Variants in DACH2 observed in about 807,000 individuals in gnomAD.
DACH2 encodes dachshund homolog 2.
DACH2 carries 17 observed loss-of-function variants against 35.8 expected under a neutral mutation model. That is an observed-to-expected ratio of 0.48 (90% CI 0.33 to 0.71). DACH2 has a LOEUF of 0.71. Ranked by LOEUF, DACH2 falls within the 30% of genes least tolerant of loss-of-function variation. The probability of loss-of-function intolerance (pLI) is 0.02; values close to 1 mark genes in which losing one functional copy is unlikely to be tolerated. For missense variants in DACH2, 469 were observed against 472.7 expected (o/e 0.99, Z 0.07); for synonymous variants, 195 against 177.3 (o/e 1.10, Z -0.79).
chrX:86,212,370 G>T (rs2032464450), intron 1 of DACH2, among the ~76,000 whole-genome samples: 1 of 111,274 alleles, frequency 9.0e-6, no homozygotes, highest in Non-Finnish European at 1.9e-5. Flanking sequence ...TATTCTGAAT[G>T]TTTTGAACTG....
intron 3 of DACH2, among the ~76,000 whole-genome samples, chrX:86,601,911 T>G (rs2039794435): frequency 1.8e-5 from 2 of 112,057 alleles, no homozygotes; most frequent in Non-Finnish European, 3.8e-5. Flanking sequence ...AATTCACTAT[T>G]TAGAGTATAC....
At chrX:86,580,572 C>T (rs540634761) in intron 3 of DACH2, among the ~76,000 whole-genome samples, 2 of 111,777 alleles carry the variant, frequency 1.8e-5, no homozygotes, top group East Asian at 2.8e-4. Flanking sequence ...GAAAAACTCA[C>T]ATCAAGAATT....
intron 2 of DACH2, among the ~76,000 whole-genome samples, chrX:86,434,489 T>C (rs1413533154): frequency 8.9e-6 from 1 of 112,244 alleles, no homozygotes; most frequent in Non-Finnish European, 1.9e-5. Context: ...TCTCTTATCA[T>C]GGTATATTCA....
At chrX:86,610,422 C>T (rs201124038) in intron 3 of DACH2, among the ~76,000 whole-genome samples, 83 of 45,850 alleles carry the variant, frequency 1.8e-3, no homozygotes, top group African/African-American at 6.7e-3. Context: ...TCTTTCTTTT[C>T]TTTCTTTCTT....
intron 5 of DACH2, among the ~76,000 whole-genome samples, chrX:86,698,526 T>TTTTTTTTTTTTTG (rs2041098256): frequency 1.8e-5 from 1 of 54,702 alleles, no homozygotes; most frequent in Non-Finnish European, 3.4e-5. Context: ...TTTGTGTTTT[T>TTTTTTTTTTTTTG]TTTTTTTTTT....
chrX:86,675,504 G>T (rs746921089), intron 4 of DACH2, among the ~76,000 whole-genome samples: 1 of 111,099 alleles, frequency 9.0e-6, no homozygotes, highest in African/African-American at 3.3e-5. Flanking sequence ...GGGCAACATG[G>T]CAAGAGATCG....
intron 3 of DACH2, among the ~76,000 whole-genome samples, chrX:86,633,236 C>T (rs747447842): frequency 1.8e-5 from 2 of 109,412 alleles, no homozygotes; most frequent in Non-Finnish European, 3.8e-5. Context: ...GAGAGAAGAT[C>T]CAAATAAACA....
intron 2 of DACH2, among the ~76,000 whole-genome samples, chrX:86,392,929 T>C (rs1569375160): frequency 9.0e-6 from 1 of 110,956 alleles, no homozygotes; most frequent in Non-Finnish European, 1.9e-5. Flanking sequence ...TTGGAGGCCT[T>C]TTTGGCTGTC....
At chrX:86,531,026 A>T (rs1453024658) in intron 3 of DACH2, among the ~76,000 whole-genome samples, 1 of 111,740 alleles carries the variant, frequency 8.9e-6, no homozygotes, top group African/African-American at 3.3e-5. Flanking sequence ...CTTAAAAGAG[A>T]TTATTTAGGG....
chrX:86,160,358 A>G, intron 1 of DACH2: 2 of 822,911 alleles, frequency 2.4e-6, no homozygotes, highest in Admixed American at 2.3e-5. Context: ...AAAGTGACCC[A>G]GAGGAGGATA....
At chrX:86,208,593 A>G (rs184286212) in intron 1 of DACH2, among the ~76,000 whole-genome samples, 9 of 111,723 alleles carry the variant, frequency 8.1e-5, no homozygotes, top group Admixed American at 7.6e-4. Flanking sequence ...TTAGCACAGT[A>G]TGTATAAATA....
chrX:86,832,184 A>AGAT lies in DACH2; in HGVS notation c.*31_*33dup. 8.9e-7 allele frequency: 1 copy of AGAT among 1,117,635 alleles called. No individual in the cohort carries two copies. The highest frequency in any genetic ancestry group is 1.2e-6 in the Non-Finnish European group (1 of 814,107). The allele number at this position is 1,117,635 out of a possible 1,213,427, so 92.1% of individuals were successfully genotyped here. A position where few individuals can be genotyped will look rare whatever the true frequency, so the allele number is the denominator to read the frequency against. On this transcript the variant is annotated 3_prime_UTR_variant, in exon 12 of 12. Transcript: ENST00000373125. ...GTCCTCGCTGGCTTTACATAAATGA[A>AGAT]GATGCTTGTGATTCCAGTTTATCTC... is the stretch of plus-strand genomic sequence containing the variant.
chrX:86,520,108 T>A (rs1451453582), intron 3 of DACH2, among the ~76,000 whole-genome samples: 6 of 111,836 alleles, frequency 5.4e-5, no homozygotes, highest in African/African-American at 1.9e-4. Flanking sequence ...GTTGTGTCTT[T>A]GTTCTCTTTA....
chrX:86,334,047 G>A (rs1488863217), intron 1 of DACH2, among the ~76,000 whole-genome samples: 1 of 111,537 alleles, frequency 9.0e-6, no homozygotes, highest in Non-Finnish European at 1.9e-5. Flanking sequence ...GAGAATGATG[G>A]TTTCGAGTTT....
At chrX:86,450,790 G>A (rs1490915490) in intron 2 of DACH2, among the ~76,000 whole-genome samples, 2 of 109,421 alleles carry the variant, frequency 1.8e-5, no homozygotes, top group African/African-American at 3.3e-5. Flanking sequence ...GTATCTAATT[G>A]TGGTTTTGAT....
chrX:86,673,666 G>A (rs2040795573), intron 4 of DACH2, among the ~76,000 whole-genome samples: 1 of 111,281 alleles, frequency 9.0e-6, no homozygotes, highest in East Asian at 2.9e-4. Context: ...TTTGTAGTGT[G>A]AGGACATGAG....
intron 2 of DACH2, among the ~76,000 whole-genome samples, chrX:86,396,643 G>A (rs776119122): frequency 9.1e-6 from 1 of 110,208 alleles, no homozygotes; most frequent in Admixed American, 9.7e-5. Flanking sequence ...TATTAAATAG[G>A]GGATCCTTTC....
At chrX:86,782,684 G>A (rs1307850416) in intron 7 of DACH2, among the ~76,000 whole-genome samples, 4 of 111,565 alleles carry the variant, frequency 3.6e-5, no homozygotes, top group Non-Finnish European at 5.7e-5. Context: ...AAATGGTGTT[G>A]GGAAAACTGA....
chrX:86,552,412 C>T (rs967822492), intron 3 of DACH2, among the ~76,000 whole-genome samples: 2 of 111,469 alleles, frequency 1.8e-5, no homozygotes, highest in Non-Finnish European at 3.8e-5. Context: ...GCACTAAAGA[C>T]GTATTTACTT....
Sources: allele counts gnomAD v4.1 joint callset (sites outside exome capture counted in the v4.1 genomes callset), GRCh38; gene constraint gnomAD v4.1.1; transcripts MANE v1.5; gene names NCBI Gene and HGNC (gene_info 2026-07-23, HGNC 2026-07-21).